Variants in DNAH14 observed in about 807,000 individuals in gnomAD.
DNAH14 encodes the protein dynein axonemal heavy chain 14.
DNAH14 carries 478 observed loss-of-function variants against 520.9 expected under a neutral mutation model. The ratio of observed to expected loss-of-function variants is 0.92; its 90% CI spans 0.85 to 0.99. The LOEUF is 0.99. DNAH14 is among the 50% of genes least tolerant of loss of function. The pLI, the probability that DNAH14 is intolerant of heterozygous loss-of-function variation, is 0.00. For synonymous variants in DNAH14, 1,581 were observed against 1,757.2 expected (o/e 0.90, Z 2.51); for missense variants, 4,831 against 5,234.5 (o/e 0.92, Z 2.38).
At chr1:225,096,355 A>G (rs2148694542) in intron 21 of DNAH14, among the ~76,000 whole-genome samples, 1 of 152,362 alleles carries the variant, frequency 6.6e-6, no homozygotes, top group African/African-American at 2.4e-5. Flanking sequence ...GAAATATAAA[A>G]TAAAGTTAAG....
At chr1:225,267,103 T>C (rs1431956456) in intron 49 of DNAH14, among the ~76,000 whole-genome samples, 1 of 152,108 alleles carries the variant, frequency 6.6e-6, no homozygotes. Context: ...TTTTAGTTAG[T>C]TGTGAGAAAA....
At chr1:225,148,638 G>T (rs1243049320) in intron 31 of DNAH14, among the ~76,000 whole-genome samples, 2 of 152,044 alleles carry the variant, frequency 1.3e-5, no homozygotes, top group Non-Finnish European at 2.9e-5. Context: ...CTGACCTTGT[G>T]ATGTGCCCTC....
At chr1:224,953,129 C>CTTTTTTT (rs56337123) in intron 2 of DNAH14, 4 of 151,484 alleles carry the variant, frequency 2.6e-5, no homozygotes, top group Admixed American at 1.3e-4. Context: ...CATAGAAATA[C>CTTTTTTT]TTTTTTTTTT....
In DNAH14 at chr1:225,169,481, G is replaced by A. The variant is rs144941649; in HGVS notation, c.5535+1453G>A. 5.0e-3 allele frequency among the ~76,000 whole-genome samples: 758 copies of A among 152,284 alleles called. 4 individuals carry two copies. The highest frequency in any genetic ancestry group is 0.017 in the African/African-American group (703 of 41,562). On this transcript the variant is annotated intron_variant, in intron 36 of 85. Coordinates refer to ENST00000682510, the MANE Select transcript of DNAH14 (RefSeq NM_001367479.1). ...CTGATGGAGCTGAAAACCACGGCAC[G>A]AGAACGATGTGACGCATGCACAAGC...
intron 17 of DNAH14, among the ~76,000 whole-genome samples, chr1:225,069,203 C>A (rs746290423): frequency 7.2e-5 from 11 of 152,048 alleles, no homozygotes; most frequent in Non-Finnish European, 1.5e-4. Context: ...TTATTTTTTT[C>A]TCTTGCTCAG....
chr1:225,193,884 A>T (rs143111654), intron 38 of DNAH14, among the ~76,000 whole-genome samples: 4 of 152,274 alleles, frequency 2.6e-5, no homozygotes, highest in Admixed American at 1.3e-4. Flanking sequence ...AAAAATTAGT[A>T]GCACTTCTAT....
Position 225,042,843 on chromosome 1 carries a change from T to C in DNAH14, c.1497T>C (p.Asn499=). Residue 499 remains asparagine (N), a synonymous_variant, in exon 13 of 86, where the codon AAT becomes AAC. Coordinates refer to ENST00000682510, the MANE Select transcript of DNAH14 (RefSeq NM_001367479.1). ...ATTATCCGTTAAATTAGATTTTGAA[T>C]AGTGTTGAAGTGGGGAAGGATTTGA... ...KTDTDINEIL[N]SVEVGKDLRK... 6.5e-7 allele frequency: 1 copy of C among 1,547,974 alleles called. No homozygotes were observed. Among genetic ancestry groups the C allele is most frequent in the Non-Finnish European group, 8.7e-7 (1 of 1,145,148 alleles).
At chr1:225,301,134 T>TA in intron 56 of DNAH14, 104 bp downstream of exon 56, 1 of 1,278,424 alleles carries the variant, frequency 7.8e-7, no homozygotes, top group Non-Finnish European at 1.0e-6. Flanking sequence ...CTTTAGATCT[T>TA]TATATGAGTT....
rs60395237 is a variant in DNAH14, at chr1:224,991,261, A to AT, written c.831-11505dup. ...AAGCATGTGCCACCATGCCCAGCTA[A>AT]TTTTTTTTTTTTTTTTTGTATTTTT... On this transcript the variant is annotated intron_variant, in intron 8 of 85. Transcript: ENST00000682510. Among the ~76,000 whole-genome samples the AT allele has an allele frequency of 3.2e-3, 425 of 134,916 alleles. 2 individuals carry two copies. Among genetic ancestry groups the AT allele is most frequent in the Middle Eastern group, 7.7e-3 (2 of 260 alleles). 88.5% of individuals were successfully genotyped at this position (134,916 alleles called of 152,430 possible).
At chr1:225,370,216 A>T (rs1374984214) in intron 77 of DNAH14, among the ~76,000 whole-genome samples, 1 of 152,164 alleles carries the variant, frequency 6.6e-6, no homozygotes, top group African/African-American at 2.4e-5. Context: ...CGGGAGGTGG[A>T]GGTTGCAGTG....
rs575456330 is a variant in DNAH14 at position 225,351,870 on chromosome 1, A to C, written c.11520A>C (p.Lys3840Asn). The change falls in exon 72 of 86, where the codon AAA becomes AAC. Residue 3840 changes from lysine to asparagine, a missense_variant. Coordinates refer to ENST00000682510, the MANE Select transcript of DNAH14 (RefSeq NM_001367479.1). ...SENASLEENT[K>N]PPEETELLNE... The stretch of plus-strand genomic sequence containing the variant: ...ATGCTTCATTGGAGGAAAATACAAA[A>C]CCACCAGAGGAAAGTAAGAAAGCAT... 2 of 1,550,786 alleles carry C rather than the reference A, an allele frequency of 1.3e-6. No individual in the cohort carries two copies. The highest frequency in any genetic ancestry group is 4.9e-5 in the East Asian group (2 of 40,894).
chr1:225,048,732 G>A (rs367721169), intron 15 of DNAH14, among the ~76,000 whole-genome samples: 46 of 152,184 alleles, frequency 3.0e-4, no homozygotes, highest in African/African-American at 9.9e-4. Context: ...TCTAGGGGTA[G>A]GATTGATGGG....
intron 28 of DNAH14, among the ~76,000 whole-genome samples, chr1:225,141,293 CAT>C (rs920529265): frequency 2.6e-5 from 4 of 151,942 alleles, no homozygotes; most frequent in African/African-American, 4.8e-5. Flanking sequence ...ATTCACATAA[CAT>C]GTGAATGTGA....
At position 225,118,011 on chromosome 1, in the gene DNAH14, G is replaced by A; in HGVS notation, c.4091+12G>A. 1.3e-6 allele frequency: 2 copies of A among 1,494,616 alleles called. No individual in the cohort carries two copies. Among genetic ancestry groups the A allele is most frequent in the Non-Finnish European group, 1.8e-6 (2 of 1,095,144 alleles). 92.6% of individuals were successfully genotyped at this position (1,494,616 alleles called of 1,614,324 possible). The stretch of plus-strand genomic sequence containing the variant: ...CTCGTGCTGCCAAAGTATGATAAAT[G>A]TTACAAACTGTTTAGATTCTGTACA... On this transcript the variant is annotated intron_variant, in intron 25 of 85. Transcript: ENST00000682510.
intron 71 of DNAH14, among the ~76,000 whole-genome samples, chr1:225,347,937 G>A (rs1040987863): frequency 5.9e-5 from 9 of 152,088 alleles, no homozygotes; most frequent in Admixed American, 2.6e-4. Context: ...GTTGCTCAAT[G>A]AGCTAAAATA....
At chr1:225,162,934 C>T (rs1211460364) in intron 35 of DNAH14, among the ~76,000 whole-genome samples, 1 of 151,692 alleles carries the variant, frequency 6.6e-6, no homozygotes, top group Non-Finnish European at 1.5e-5. Context: ...GTCAGGAGTT[C>T]GAGACAAGCC....
At chr1:225,185,040 A>T (rs1020630702) in intron 36 of DNAH14, among the ~76,000 whole-genome samples, 1 of 152,110 alleles carries the variant, frequency 6.6e-6, no homozygotes, top group African/African-American at 2.4e-5. Flanking sequence ...ATAAATTTTA[A>T]AAAACATAGC....
chr1:225,096,467 G>A (rs1419009247), intron 21 of DNAH14, among the ~76,000 whole-genome samples: 1 of 151,954 alleles, frequency 6.6e-6, no homozygotes, highest in East Asian at 1.9e-4. Flanking sequence ...AAGTCCACTG[G>A]TTTCCAAATA....
chr1:225,090,157 A>G (rs889853254), intron 21 of DNAH14, among the ~76,000 whole-genome samples: 1 of 152,170 alleles, frequency 6.6e-6, no homozygotes, highest in Non-Finnish European at 1.5e-5. Context: ...ACTGGCATTG[A>G]GAAATAGCAT....
Sources: allele counts gnomAD v4.1 joint callset (sites outside exome capture counted in the v4.1 genomes callset), GRCh38; gene constraint gnomAD v4.1.1; transcripts MANE v1.5; gene names NCBI Gene and HGNC (gene_info 2026-07-23, HGNC 2026-07-21).